CFAP58: variants seen among roughly 807,000 people sequenced by gnomAD.
CFAP58 encodes the protein cilia- and flagella-associated protein 58.
A neutral mutation model predicts 119.5 loss-of-function variants in CFAP58; 88 were observed. The ratio of observed to expected loss-of-function variants is 0.74; its 90% confidence interval spans 0.62 to 0.88. The LOEUF (loss-of-function observed/expected upper bound fraction) is 0.88, where lower values mean the gene tolerates loss of function less well. CFAP58 is among the 40% of genes least tolerant of loss of function. The pLI is 0.00. For synonymous variants in CFAP58, 365 were observed against 366.3 expected, an observed-to-expected ratio of 1.00 and a Z score of 0.04; for missense variants, 990 against 1,021.2, an observed-to-expected ratio of 0.97 and a Z score of 0.42.
chr10:104,378,908 CA>C (rs1476207389), intron 8 of CFAP58, among the ~76,000 whole-genome samples: 2 of 137,950 alleles, frequency 1.4e-5, no homozygotes, highest in African/African-American at 5.5e-5. Flanking sequence ...ATCTCCAGTG[CA>C]GCTTAAAAAA....
intron 9 of CFAP58, among the ~76,000 whole-genome samples, chr10:104,388,658 G>T (rs879767068): frequency 7.2e-5 from 11 of 152,256 alleles, no homozygotes; most frequent in Middle Eastern, 3.4e-3. Context: ...GAAGTTTATT[G>T]TACTGATATT....
chr10:104,397,203 C>A (rs779854269), intron 11 of CFAP58, among the ~76,000 whole-genome samples: 8 of 152,122 alleles, frequency 5.3e-5, no homozygotes, highest in Non-Finnish European at 7.4e-5. Context: ...TATTTTATTG[C>A]TGTCTTTGCT....
At chr10:104,451,730 C>T (rs948218634) in intron 17 of CFAP58, among the ~76,000 whole-genome samples, 4 of 152,060 alleles carry the variant, frequency 2.6e-5, no homozygotes, top group African/African-American at 9.7e-5. Flanking sequence ...GATTGTGCAC[C>T]CTTATCAGTA....
chr10:104,403,234 A>C (rs1189734750), intron 13 of CFAP58, among the ~76,000 whole-genome samples: 1 of 152,112 alleles, frequency 6.6e-6, no homozygotes, highest in Non-Finnish European at 1.5e-5. Flanking sequence ...TGGTTTTTAT[A>C]ACTGGGAGTT....
the CFAP58 span, among the ~76,000 whole-genome samples, chr10:104,346,631 G>GTT: frequency 1.1e-5 from 1 of 94,890 alleles, no homozygotes; most frequent in African/African-American, 4.9e-5. Context: ...GAGCCATTTA[G>GTT]TCTTTTTTTT....
chr10:104,346,137 G>C, the CFAP58 span, among the ~76,000 whole-genome samples: 8 of 151,862 alleles, frequency 5.3e-5, no homozygotes, highest in Non-Finnish European at 1.2e-4. Context: ...GGAAGCAAGA[G>C]TGAGAGAAAG....
At chr10:104,390,232 C>T (rs1303875680) in intron 9 of CFAP58, among the ~76,000 whole-genome samples, 1 of 152,114 alleles carries the variant, frequency 6.6e-6, no homozygotes, top group Non-Finnish European at 1.5e-5. Flanking sequence ...AAAGTTAATG[C>T]CCATCAGTGG....
chr10:104,421,944 G>A (rs1337963724), intron 15 of CFAP58, among the ~76,000 whole-genome samples: 5 of 152,156 alleles, frequency 3.3e-5, no homozygotes, highest in African/African-American at 9.7e-5. Flanking sequence ...CTAGCACTTC[G>A]GGAGGCCGAG....
At chr10:104,362,219 T>C (rs2135250560) in intron 3 of CFAP58, 48 bp downstream of exon 3, 2 of 1,527,778 alleles carry the variant, frequency 1.3e-6, no homozygotes, top group Non-Finnish European at 1.8e-6. Flanking sequence ...TTTGCAGAGG[T>C]CTCCTTCAGT....
intron 1 of CFAP58, among the ~76,000 whole-genome samples, chr10:104,354,664 C>G (rs1329525599): frequency 1.3e-5 from 2 of 152,170 alleles, no homozygotes; most frequent in Non-Finnish European, 2.9e-5. Flanking sequence ...GCCCTTCCCC[C>G]ATCACCCATC....
intron 2 of CFAP58, among the ~76,000 whole-genome samples, chr10:104,361,176 G>A (rs2014661780): frequency 6.6e-6 from 1 of 152,148 alleles, no homozygotes; most frequent in Admixed American, 6.5e-5. Flanking sequence ...CTCCTTTACT[G>A]GAACTGCTGT....
intron 15 of CFAP58, among the ~76,000 whole-genome samples, chr10:104,428,080 C>T (rs2012778781): frequency 6.6e-6 from 1 of 152,114 alleles, no homozygotes; most frequent in Non-Finnish European, 1.5e-5. Context: ...GAAGGAAGGG[C>T]AAAGCTCATT....
intron 9 of CFAP58, among the ~76,000 whole-genome samples, chr10:104,388,591 G>A (rs1344019314): frequency 6.6e-6 from 1 of 152,146 alleles, no homozygotes; most frequent in African/African-American, 2.4e-5. Flanking sequence ...TCATTATGAA[G>A]GTAAAAGCAT....
At chr10:104,411,935 C>T (rs1206005818) in intron 15 of CFAP58, among the ~76,000 whole-genome samples, 15 of 152,168 alleles carry the variant, frequency 9.9e-5, no homozygotes, top group Admixed American at 7.9e-4. Flanking sequence ...ACAGGCCCAG[C>T]ACCTTATCCT....
rs1260251742 is a variant in CFAP58, at chr10:104,427,056, A to G, written c.2256+20263A>G. ...ACTGCAGAGGAAGCTTGCTGTTACA[A>G]TGCCCAAGGAGATTGAAATGAAGGA... On this transcript the variant is annotated intron_variant, in intron 15 of 17. Transcript: ENST00000369704. Among the ~76,000 whole-genome samples the G allele has an allele frequency of 2.0e-5, 3 of 152,214 alleles. No homozygotes were observed. The East Asian group carries it at 5.8e-4, about 29-fold the overall frequency.
intron 9 of CFAP58, among the ~76,000 whole-genome samples, chr10:104,387,950 G>A (rs1010871759): frequency 1.3e-5 from 2 of 152,106 alleles, no homozygotes; most frequent in Admixed American, 1.3e-4. Context: ...GAGATTCCAG[G>A]AAATGAATAA....
chr10:104,375,249 T>A (rs1229288377), intron 7 of CFAP58, among the ~76,000 whole-genome samples: 1 of 150,360 alleles, frequency 6.7e-6, no homozygotes, highest in Non-Finnish European at 1.5e-5. Context: ...TATAAATATA[T>A]GTATTTATAA....
At chr10:104,414,738 C>T (rs1408268399) in intron 15 of CFAP58, among the ~76,000 whole-genome samples, 2 of 152,122 alleles carry the variant, frequency 1.3e-5, no homozygotes, top group African/African-American at 4.8e-5. Context: ...GGCGCAATCT[C>T]GGCTCACTGC....
intron 11 of CFAP58, among the ~76,000 whole-genome samples, chr10:104,399,016 C>A (rs904986316): frequency 1.2e-4 from 18 of 152,160 alleles, no homozygotes; most frequent in African/African-American, 4.3e-4. Flanking sequence ...CTGCACTATT[C>A]TTTGTGAATT....
Sources: allele counts gnomAD v4.1 joint callset (sites outside exome capture counted in the v4.1 genomes callset), GRCh38; gene constraint gnomAD v4.1.1; transcripts MANE v1.5; gene names NCBI Gene and HGNC (gene_info 2026-07-23, HGNC 2026-07-21).